RALYL: variants seen among roughly 807,000 people sequenced by gnomAD.
RALYL encodes the protein RNA-binding Raly-like protein.
A neutral mutation model predicts 35.1 loss-of-function variants in RALYL; 29 were observed. The ratio of observed to expected loss-of-function variants is 0.83; its 90% CI spans 0.61 to 1.13. The LOEUF is 1.13. RALYL is among the 50% of genes most tolerant of loss of function. The pLI is 0.00. For missense variants in RALYL, 359 were observed against 360.4 expected, an observed-to-expected ratio of 1.00 and a Z score of 0.03; for synonymous variants, 120 against 127.6, an observed-to-expected ratio of 0.94 and a Z score of 0.40.
intron 4 of RALYL, among the ~76,000 whole-genome samples, chr8:84,834,349 C>T (rs1011802196): frequency 4.6e-5 from 7 of 152,136 alleles, no homozygotes; most frequent in Non-Finnish European, 1.0e-4. Context: ...GAGCCTCTCT[C>T]CCCAGGGTTG....
At chr8:84,209,904 C>T (rs1053029987) in intron 1 of RALYL, among the ~76,000 whole-genome samples, 3 of 152,112 alleles carry the variant, frequency 2.0e-5, no homozygotes, top group African/African-American at 4.8e-5. Flanking sequence ...GCTCAGGATA[C>T]TGCTTCTATG....
chr8:84,918,520 G>T (rs1848822493), intron 8 of RALYL, among the ~76,000 whole-genome samples: 1 of 152,018 alleles, frequency 6.6e-6, no homozygotes, highest in Non-Finnish European at 1.5e-5. Context: ...CTCCCAAACA[G>T]CCAGTAGATA....
At chr8:84,788,625 G>T (rs1379802866) in intron 3 of RALYL, among the ~76,000 whole-genome samples, 2 of 152,134 alleles carry the variant, frequency 1.3e-5, no homozygotes, top group African/African-American at 4.8e-5. Context: ...TATTAGAAAA[G>T]TTAATTTTCT....
chr8:84,878,226 A>G (rs918447456), intron 7 of RALYL, among the ~76,000 whole-genome samples: 8 of 152,172 alleles, frequency 5.3e-5, no homozygotes, highest in Non-Finnish European at 8.8e-5. Context: ...CTGGTAGACA[A>G]TAAGGAAACT....
At chr8:84,686,773 T>C (rs905888068) in intron 2 of RALYL, among the ~76,000 whole-genome samples, 2 of 152,142 alleles carry the variant, frequency 1.3e-5, no homozygotes, top group Non-Finnish European at 2.9e-5. Flanking sequence ...GTAATTCACT[T>C]CCTTTTCCAA....
At chr8:84,249,366 G>A (rs1455013047) in intron 1 of RALYL, among the ~76,000 whole-genome samples, 1 of 152,076 alleles carries the variant, frequency 6.6e-6, no homozygotes, top group African/African-American at 2.4e-5. Flanking sequence ...TTAGATAAAT[G>A]TTTAGACCTG....
chr8:84,548,280 G>T, intron 2 of RALYL, among the ~76,000 whole-genome samples: 1 of 151,240 alleles, frequency 6.6e-6, no homozygotes. Flanking sequence ...TCTAGCATAG[G>T]CTTTCTTTAT....
rs189990978 is a variant in RALYL at position 84,249,981 on chromosome 8, C to T, written c.-24+65557C>T. 3.9e-3 allele frequency among the ~76,000 whole-genome samples: 586 copies of T among 150,814 alleles called. 1 individual carries two copies. Among genetic ancestry groups the T allele is most frequent in the Non-Finnish European group, 6.8e-3 (462 of 67,734 alleles). On this transcript the variant is annotated intron_variant, in intron 1 of 8. Coordinates refer to ENST00000521268, the MANE Select transcript of RALYL (RefSeq NM_173848.7). ...TAAGTAAAGTATTTTGAAAAATGTT[C>T]CAAAATTTATAAAAATATTGGTATG...
intron 1 of RALYL, among the ~76,000 whole-genome samples, chr8:84,403,052 TG>T (rs1379028236): frequency 1.3e-5 from 2 of 152,222 alleles, no homozygotes; most frequent in Non-Finnish European, 2.9e-5. Context: ...TGGTAGATTC[TG>T]GATATTAGCC....
chr8:84,806,584 T>G (rs532676758), intron 4 of RALYL, among the ~76,000 whole-genome samples: 1 of 151,480 alleles, frequency 6.6e-6, no homozygotes, highest in East Asian at 1.9e-4. Context: ...AAAAAAATAC[T>G]GTATCGCTCA....
At chr8:84,391,770 C>T (rs1860752555) in intron 1 of RALYL, among the ~76,000 whole-genome samples, 2 of 151,994 alleles carry the variant, frequency 1.3e-5, no homozygotes, top group Admixed American at 6.6e-5. Context: ...TAGTACCTAG[C>T]TCATTCTGAG....
intron 2 of RALYL, among the ~76,000 whole-genome samples, chr8:84,745,318 A>G (rs10112163): frequency 0.27 from 40,788 of 151,828 alleles, 5,883 homozygotes; most frequent in African/African-American, 0.35. Context: ...GGTTTAATTT[A>G]TGTAAAATTA....
chr8:84,883,489 C>A (rs779429025), intron 7 of RALYL, among the ~76,000 whole-genome samples: 4 of 151,964 alleles, frequency 2.6e-5, no homozygotes, highest in Non-Finnish European at 2.9e-5. Flanking sequence ...TATATGGCAG[C>A]AGGCAAGAGA....
intron 2 of RALYL, among the ~76,000 whole-genome samples, chr8:84,591,356 A>G (rs1390583672): frequency 6.6e-6 from 1 of 152,178 alleles, no homozygotes; most frequent in Non-Finnish European, 1.5e-5. Flanking sequence ...TTTATTATTT[A>G]TAATACAGCA....
intron 1 of RALYL, among the ~76,000 whole-genome samples, chr8:84,346,381 T>A (rs117591163): frequency 0.022 from 3,275 of 152,260 alleles, 48 homozygotes; most frequent in South Asian, 0.031. Context: ...GGAGTATGTT[T>A]GTATTCATGG....
intron 1 of RALYL, among the ~76,000 whole-genome samples, chr8:84,194,672 G>T (rs1262589337): frequency 6.6e-6 from 1 of 152,116 alleles, no homozygotes; most frequent in African/African-American, 2.4e-5. Context: ...TATATTTACT[G>T]CTAGTTCTGT....
At chr8:84,366,578 C>T (rs1361438382) in intron 1 of RALYL, among the ~76,000 whole-genome samples, 1 of 151,780 alleles carries the variant, frequency 6.6e-6, no homozygotes, top group Non-Finnish European at 1.5e-5. Context: ...GGATCGAGAC[C>T]ATCCTGGCCA....
chr8:84,681,507 C>G lies in RALYL; in HGVS notation c.257-93072C>G, dbSNP rs182914207. 1.5e-3 allele frequency among the ~76,000 whole-genome samples: 224 copies of G among 152,256 alleles called. 1 individual carries two copies. The highest frequency in any genetic ancestry group is 4.7e-4 in the Non-Finnish European group (32 of 68,024). On this transcript the variant is annotated intron_variant, in intron 2 of 8. Transcript: ENST00000521268. ...ATGCCCTTCCATTTGCTTGTGTCCT[C>G]TTTTATTTTGTTGAGCAGTGGTTTG...
intron 7 of RALYL, among the ~76,000 whole-genome samples, chr8:84,877,981 G>A (rs1841491201): frequency 6.6e-6 from 1 of 152,044 alleles, no homozygotes; most frequent in Non-Finnish European, 1.5e-5. Flanking sequence ...ACAAGGAAAG[G>A]GTTTAGCAGC....
Sources: allele counts gnomAD v4.1 joint callset (sites outside exome capture counted in the v4.1 genomes callset), GRCh38; gene constraint gnomAD v4.1.1; transcripts MANE v1.5; gene names NCBI Gene and HGNC (gene_info 2026-07-23, HGNC 2026-07-21).